Variants in ANKH observed in about 807,000 individuals in gnomAD.
The protein encoded by ANKH is ANKH inorganic pyrophosphate transport regulator.
ANKH carries 15 observed loss-of-function variants against 49.0 expected under a neutral mutation model. The ratio of observed to expected loss-of-function variants is 0.31; its 90% CI spans 0.20 to 0.47. The LOEUF (loss-of-function observed/expected upper bound fraction) is 0.47, where lower values mean the gene tolerates loss of function less well. Ranked by LOEUF, ANKH falls within the 20% of genes least tolerant of loss-of-function variation. The pLI is 1.00. For synonymous variants in ANKH, 273 were observed against 260.0 expected (o/e 1.05, Z -0.48); for missense variants, 429 against 652.0 (o/e 0.66, Z 3.72).
Position 14,842,353 on chromosome 5 carries a change from G to C in ANKH, c.96+28999C>G, listed in dbSNP as rs1354414864. ...AAAGGCTCAGCTCACTGGCATACCTGACGGTCAAGGACAGAGACCTGCTCT... is the reference window on the plus strand; with the variant it reads ...AAAGGCTCAGCTCACTGGCATACCTCACGGTCAAGGACAGAGACCTGCTCT... On this transcript the variant is annotated intron_variant, in intron 1 of 11. Coordinates refer to ENST00000284268, the MANE Select transcript of ANKH (RefSeq NM_054027.6). Among the ~76,000 whole-genome samples the C allele has an allele frequency of 2.0e-5, 3 of 152,204 alleles. No individual in the cohort carries two copies. The East Asian group carries it at 5.8e-4, about 29-fold the overall frequency.
chr5:14,755,692 C>T, intron 4 of ANKH, among the ~76,000 whole-genome samples, 169 bp downstream of exon 4: 1 of 152,216 alleles, frequency 6.6e-6, no homozygotes, highest in East Asian at 1.9e-4. Context: ...TCCCTTTTCT[C>T]ATTCATTTAG....
rs147296797 is a variant in ANKH, at chr5:14,819,533, G to A, written c.97-50342C>T. 1.1e-3 allele frequency among the ~76,000 whole-genome samples: 168 copies of A among 152,170 alleles called. 1 individual carries two copies. The highest frequency in any genetic ancestry group is 3.8e-3 in the African/African-American group (157 of 41,520). On this transcript the variant is annotated intron_variant, in intron 1 of 11. Coordinates refer to ENST00000284268, the MANE Select transcript of ANKH (RefSeq NM_054027.6). Reference sequence around the variant, plus strand: ...TCTGCCACAGAGAGAGCTACTTTTGGTGCAAGCTCCCACTGACTTCTTACA... The same window carrying A: ...TCTGCCACAGAGAGAGCTACTTTTGATGCAAGCTCCCACTGACTTCTTACA...
chr5:14,712,193 G>T (rs1245550746), intron 11 of ANKH, among the ~76,000 whole-genome samples: 2 of 152,238 alleles, frequency 1.3e-5, no homozygotes, highest in Admixed American at 6.5e-5. Context: ...GCAGGGGACA[G>T]CCAGTGTCCT....
chr5:14,805,691 G>A (rs1455766402), intron 1 of ANKH, among the ~76,000 whole-genome samples: 1 of 151,708 alleles, frequency 6.6e-6, no homozygotes, highest in African/African-American at 2.4e-5. Flanking sequence ...TTCTTTCCCT[G>A]TTAGACAGTA....
intron 1 of ANKH, among the ~76,000 whole-genome samples, chr5:14,847,759 A>T (rs1742006738): frequency 6.6e-6 from 1 of 152,246 alleles, no homozygotes; most frequent in Non-Finnish European, 1.5e-5. Flanking sequence ...TCAATATGGG[A>T]AGACCATATG....
chr5:14,776,636 A>G (rs1739632236), intron 1 of ANKH, among the ~76,000 whole-genome samples: 1 of 152,224 alleles, frequency 6.6e-6, no homozygotes, highest in African/African-American at 2.4e-5. Context: ...ATCTCTAGCC[A>G]AGACCAGGAA....
chr5:14,787,101 G>T (rs560055934), intron 1 of ANKH, among the ~76,000 whole-genome samples: 2 of 151,938 alleles, frequency 1.3e-5, no homozygotes, highest in South Asian at 4.2e-4. Flanking sequence ...ATCACCTGAG[G>T]TCAGGAGTTC....
intron 1 of ANKH, among the ~76,000 whole-genome samples, chr5:14,825,529 T>G (rs1032603804): frequency 2.6e-5 from 4 of 152,148 alleles, no homozygotes; most frequent in African/African-American, 7.2e-5. Flanking sequence ...TTTTTGTATT[T>G]TTTTGTAGAG....
chr5:14,788,578 T>C (rs1213138492), intron 1 of ANKH, among the ~76,000 whole-genome samples: 3 of 152,226 alleles, frequency 2.0e-5, no homozygotes, highest in African/African-American at 7.2e-5. Flanking sequence ...AATTAGGGGC[T>C]TATATCTGAT....
At chr5:14,800,957 C>T (rs940871463) in intron 1 of ANKH, among the ~76,000 whole-genome samples, 1 of 152,062 alleles carries the variant, frequency 6.6e-6, no homozygotes, top group African/African-American at 2.4e-5. Flanking sequence ...AACTCCTGGG[C>T]TCAAGCAATC....
intron 1 of ANKH, among the ~76,000 whole-genome samples, chr5:14,795,039 G>T (rs976383661): frequency 6.6e-6 from 1 of 152,196 alleles, no homozygotes; most frequent in Admixed American, 6.5e-5. Flanking sequence ...AAAATGCCTG[G>T]ATGCAAGTCT....
At chr5:14,811,262 C>A (rs1408235802) in intron 1 of ANKH, among the ~76,000 whole-genome samples, 1 of 152,056 alleles carries the variant, frequency 6.6e-6, no homozygotes, top group Non-Finnish European at 1.5e-5. Flanking sequence ...GATAAAAAGA[C>A]AGTGCTGACC....
intron 8 of ANKH, among the ~76,000 whole-genome samples, chr5:14,726,971 C>T (rs551936246): frequency 3.2e-4 from 48 of 152,200 alleles, no homozygotes; most frequent in Non-Finnish European, 5.7e-4. Flanking sequence ...GATGCTTCCA[C>T]ATCCGCGTCT....
At chr5:14,773,956 GA>G (rs1414975119) in intron 1 of ANKH, among the ~76,000 whole-genome samples, 2 of 152,126 alleles carry the variant, frequency 1.3e-5, no homozygotes, top group African/African-American at 4.8e-5. Flanking sequence ...TTGCTTGTAA[GA>G]AATGCCATTG....
At chr5:14,723,428 A>G (rs969218607) in intron 8 of ANKH, among the ~76,000 whole-genome samples, 1 of 152,072 alleles carries the variant, frequency 6.6e-6, no homozygotes, top group Non-Finnish European at 1.5e-5. Flanking sequence ...TTGGGAAGTC[A>G]AGGTGGGAGG....
At chr5:14,755,500 C>G (rs569113048) in intron 4 of ANKH, among the ~76,000 whole-genome samples, 3 of 152,150 alleles carry the variant, frequency 2.0e-5, no homozygotes, top group Non-Finnish European at 4.4e-5. Context: ...TGATAGGCCA[C>G]GCAGAGGGCA....
chr5:14,777,043 A>G (rs1448947744), intron 1 of ANKH, among the ~76,000 whole-genome samples: 1 of 152,180 alleles, frequency 6.6e-6, no homozygotes, highest in Non-Finnish European at 1.5e-5. Flanking sequence ...GCACTTTAGG[A>G]GGCCGAGGCA....
chr5:14,747,401 G>A (rs1454174964), intron 6 of ANKH, among the ~76,000 whole-genome samples: 1 of 151,998 alleles, frequency 6.6e-6, no homozygotes. Flanking sequence ...ACAACAAAGC[G>A]AGACACCGTC....
At chr5:14,816,328 G>C (rs927883561) in intron 1 of ANKH, among the ~76,000 whole-genome samples, 1 of 152,190 alleles carries the variant, frequency 6.6e-6, no homozygotes, top group African/African-American at 2.4e-5. Flanking sequence ...TTTAAGAAAA[G>C]AGAGAGAAGC....
Sources: allele counts gnomAD v4.1 joint callset (sites outside exome capture counted in the v4.1 genomes callset), GRCh38; gene constraint gnomAD v4.1.1; transcripts MANE v1.5; gene names NCBI Gene and HGNC (gene_info 2026-07-23, HGNC 2026-07-21).